EXOC6B: variants seen among roughly 807,000 people sequenced by gnomAD.
The protein encoded by EXOC6B is SEC15 homolog B.
In EXOC6B, 54 loss-of-function variants were observed where a neutral mutation model predicts 113.5. The observed-to-expected ratio is 0.48, with a 90% confidence interval of 0.38 to 0.60. EXOC6B has a LOEUF of 0.60. Ranked by LOEUF, EXOC6B falls within the 20% of genes least tolerant of loss-of-function variation. The pLI, the probability that EXOC6B is intolerant of heterozygous loss-of-function variation, is 0.00. For synonymous variants in EXOC6B, 357 were observed against 339.0 expected (o/e 1.05, Z -0.58); for missense variants, 797 against 977.5 (o/e 0.82, Z 2.46).
intron 6 of EXOC6B, among the ~76,000 whole-genome samples, chr2:72,577,306 C>A (rs566546018): frequency 1.3e-5 from 2 of 151,964 alleles, no homozygotes; most frequent in Non-Finnish European, 2.9e-5. Flanking sequence ...CTATTGTTCT[C>A]AAAAGTAAGA....
intron 1 of EXOC6B, among the ~76,000 whole-genome samples, chr2:72,765,225 G>A (rs1309330300): frequency 6.6e-6 from 1 of 152,216 alleles, no homozygotes; most frequent in East Asian, 1.9e-4. Flanking sequence ...TAGGCCAAGA[G>A]TTCAAGGCTG....
chr2:72,498,587 G>T, intron 12 of EXOC6B, 36 bp from the exon 13 acceptor site: 1 of 1,454,192 alleles, frequency 6.9e-7, no homozygotes, highest in East Asian at 2.3e-5. Flanking sequence ...CAGTGTCTAA[G>T]GAAGGAGTTT....
At chr2:72,329,162 C>T (rs924433321) in intron 20 of EXOC6B, among the ~76,000 whole-genome samples, 9 of 152,094 alleles carry the variant, frequency 5.9e-5, no homozygotes, top group Admixed American at 5.2e-4. Flanking sequence ...CTACCTACCC[C>T]CACACTTCTC....
intron 11 of EXOC6B, among the ~76,000 whole-genome samples, chr2:72,507,157 GA>G (rs1428108185): frequency 6.6e-6 from 1 of 152,058 alleles, no homozygotes; most frequent in Non-Finnish European, 1.5e-5. Context: ...TATAATGCTA[GA>G]AAATATAGAC....
At chr2:72,505,195 T>C (rs971089791) in intron 11 of EXOC6B, among the ~76,000 whole-genome samples, 3 of 152,208 alleles carry the variant, frequency 2.0e-5, no homozygotes, top group African/African-American at 7.2e-5. Context: ...TCTCATATTA[T>C]CTTCTAAAAG....
intron 6 of EXOC6B, among the ~76,000 whole-genome samples, chr2:72,588,114 G>T (rs1165605140): frequency 6.6e-6 from 1 of 152,124 alleles, no homozygotes; most frequent in Non-Finnish European, 1.5e-5. Flanking sequence ...ACAGAAAACA[G>T]TATGTAGGTT....
chr2:72,220,857 T>G (rs974682665), intron 20 of EXOC6B, among the ~76,000 whole-genome samples: 1 of 152,198 alleles, frequency 6.6e-6, no homozygotes, highest in Non-Finnish European at 1.5e-5. Flanking sequence ...TGAGGTATAA[T>G]AGGTGTACAT....
chr2:72,586,251 A>G (rs1573442459), intron 6 of EXOC6B, among the ~76,000 whole-genome samples: 2 of 152,122 alleles, frequency 1.3e-5, no homozygotes, highest in African/African-American at 4.8e-5. Flanking sequence ...GATAAATAGG[A>G]CCTAATTAAA....
At position 72,379,711 on chromosome 2, in the gene EXOC6B, G is replaced by A. The variant is rs1412913716; in HGVS notation, c.2122+18C>T. On this transcript the variant is annotated intron_variant, in intron 19 of 21. Transcript: ENST00000272427. ...TTGCTGGTAAGATAAACAAGCACAG[G>A]GATGGTCACTGTCTTACGTTCACAT... 5 of 1,597,140 alleles carry A rather than the reference G, an allele frequency of 3.1e-6. No homozygotes were observed. The African/African-American group carries it at 4.0e-5, about 13-fold the overall frequency.
At chr2:72,766,974 GA>G (rs1204849107) in intron 1 of EXOC6B, among the ~76,000 whole-genome samples, 47 of 142,980 alleles carry the variant, frequency 3.3e-4, no homozygotes, top group African/African-American at 6.7e-4. Flanking sequence ...AAAAAAAAAG[GA>G]AAAAAAAAAT....
chr2:72,728,566 C>T (rs894428294), intron 5 of EXOC6B, among the ~76,000 whole-genome samples: 4 of 152,124 alleles, frequency 2.6e-5, no homozygotes, highest in African/African-American at 9.7e-5. Context: ...GTTATATACT[C>T]ATAATGGGTT....
At chr2:72,356,143 C>T (rs1689961588) in intron 19 of EXOC6B, among the ~76,000 whole-genome samples, 1 of 152,126 alleles carries the variant, frequency 6.6e-6, no homozygotes, top group Non-Finnish European at 1.5e-5. Flanking sequence ...TTTAATTTCA[C>T]GTAAAGCCAA....
chr2:72,311,652 A>T (rs895445148), intron 20 of EXOC6B, among the ~76,000 whole-genome samples: 4 of 152,184 alleles, frequency 2.6e-5, no homozygotes, highest in Non-Finnish European at 5.9e-5. Flanking sequence ...CTATAAGGTA[A>T]CATAGTCACA....
At chr2:72,236,657 G>T (rs554216236) in intron 20 of EXOC6B, among the ~76,000 whole-genome samples, 3 of 152,226 alleles carry the variant, frequency 2.0e-5, no homozygotes, top group African/African-American at 7.2e-5. Context: ...AGGCAAAGTG[G>T]CTGAAATTTT....
At chr2:72,793,538 G>C (rs573593417) in intron 1 of EXOC6B, among the ~76,000 whole-genome samples, 41 of 152,226 alleles carry the variant, frequency 2.7e-4, no homozygotes, top group Middle Eastern at 6.8e-3. Flanking sequence ...GATATGAACA[G>C]GTATGGTCTT....
At chr2:72,625,619 G>A (rs1161250133) in intron 6 of EXOC6B, among the ~76,000 whole-genome samples, 1 of 152,088 alleles carries the variant, frequency 6.6e-6, no homozygotes, top group Non-Finnish European at 1.5e-5. Context: ...TCCCAAATTT[G>A]CTAGCATATG....
intron 6 of EXOC6B, among the ~76,000 whole-genome samples, chr2:72,612,790 CA>C (rs1219112410): frequency 6.6e-6 from 1 of 152,176 alleles, no homozygotes; most frequent in Admixed American, 6.5e-5. Context: ...CCTTACAAGA[CA>C]AAATAAACTC....
chr2:72,666,854 G>T (rs929075741), intron 6 of EXOC6B, among the ~76,000 whole-genome samples: 1 of 149,424 alleles, frequency 6.7e-6, no homozygotes, highest in Non-Finnish European at 1.5e-5. Context: ...TCTGATAAAA[G>T]AGAGGAAAGA....
intron 1 of EXOC6B, among the ~76,000 whole-genome samples, chr2:72,758,371 T>A (rs1682564337): frequency 6.6e-6 from 1 of 151,938 alleles, no homozygotes; most frequent in African/African-American, 2.4e-5. Context: ...TATTACTAAA[T>A]AACTTGATTT....
Sources: allele counts gnomAD v4.1 joint callset (sites outside exome capture counted in the v4.1 genomes callset), GRCh38; gene constraint gnomAD v4.1.1; transcripts MANE v1.5; gene names NCBI Gene and HGNC (gene_info 2026-07-23, HGNC 2026-07-21).